Variants in KIAA1549L observed in about 807,000 individuals in gnomAD.
KIAA1549L encodes KIAA1549 like, also known as UPF0606 protein KIAA1549L.
In KIAA1549L, 88 loss-of-function variants were observed where a neutral mutation model predicts 160.7. The ratio of observed to expected loss-of-function variants is 0.55; its 90% CI spans 0.46 to 0.65. The LOEUF is 0.65. KIAA1549L is among the 30% of genes least tolerant of loss of function. KIAA1549L has a pLI of 0.00. For missense variants in KIAA1549L, 2,258 were observed against 2,437.5 expected (o/e 0.93, Z 1.55); for synonymous variants, 950 against 976.7 (o/e 0.97, Z 0.51).
intron 16 of KIAA1549L, among the ~76,000 whole-genome samples, chr11:33,625,874 A>G (rs1479600738): frequency 6.6e-6 from 1 of 151,950 alleles, no homozygotes; most frequent in Admixed American, 6.6e-5. Context: ...GTTTTCTTCT[A>G]GGGTTTTTAT....
intron 9 of KIAA1549L, among the ~76,000 whole-genome samples, chr11:33,570,946 G>A (rs1855232505): frequency 6.6e-6 from 1 of 152,048 alleles, no homozygotes. Context: ...TTTTTCTGGA[G>A]GAATTTAGAC....
At chr11:33,565,015 G>A (rs899129620) in intron 8 of KIAA1549L, among the ~76,000 whole-genome samples, 4 of 152,166 alleles carry the variant, frequency 2.6e-5, no homozygotes, top group Non-Finnish European at 5.9e-5. Flanking sequence ...AGCTGGGGAC[G>A]TGCCCAGCTC....
intron 15 of KIAA1549L, among the ~76,000 whole-genome samples, chr11:33,614,547 TA>T (rs1850735074): frequency 6.0e-4 from 7 of 11,748 alleles, no homozygotes; most frequent in African/African-American, 1.5e-3. Flanking sequence ...TATATATATA[TA>T]TATATATATA....
At chr11:33,614,580 A>T (rs1490841199) in intron 15 of KIAA1549L, among the ~76,000 whole-genome samples, 274 of 7,688 alleles carry the variant, frequency 0.036, 37 homozygotes, top group African/African-American at 0.12. Flanking sequence ...ATATATATAT[A>T]TATATTTTTT....
At chr11:33,438,554 C>G (rs1415868134) in intron 1 of KIAA1549L, among the ~76,000 whole-genome samples, 1 of 152,234 alleles carries the variant, frequency 6.6e-6, no homozygotes, top group African/African-American at 2.4e-5. Flanking sequence ...GTCATGCTGG[C>G]CAGCAATCCC....
At chr11:33,585,948 C>G (rs1849857847) in intron 11 of KIAA1549L, among the ~76,000 whole-genome samples, 1 of 152,202 alleles carries the variant, frequency 6.6e-6, no homozygotes, top group South Asian at 2.1e-4. Flanking sequence ...CTCCATGAGG[C>G]TGGGCTACAT....
intron 20 of KIAA1549L, chr11:33,665,436 A>G (rs1590467662): frequency 6.6e-6 from 1 of 152,140 alleles, no homozygotes; most frequent in South Asian, 2.1e-4. Flanking sequence ...CTCCGCAGCA[A>G]CTTGTTCAGA....
intron 1 of KIAA1549L, among the ~76,000 whole-genome samples, chr11:33,467,681 T>C (rs1487938111): frequency 6.6e-6 from 1 of 152,222 alleles, no homozygotes; most frequent in Non-Finnish European, 1.5e-5. Context: ...CAGTATATAG[T>C]AGATTCCATT....
intron 1 of KIAA1549L, among the ~76,000 whole-genome samples, chr11:33,533,380 A>G (rs1202636404): frequency 1.3e-5 from 2 of 152,336 alleles, no homozygotes; most frequent in Middle Eastern, 3.4e-3. Context: ...ACATTAGTCA[A>G]TAACAGGTTC....
At chr11:33,418,264 CAG>C in intron 1 of KIAA1549L, among the ~76,000 whole-genome samples, 4 of 152,314 alleles carry the variant, frequency 2.6e-5, no homozygotes, top group Admixed American at 2.6e-4. Context: ...AATAAATGAA[CAG>C]ACACCGCCTG....
intron 1 of KIAA1549L, among the ~76,000 whole-genome samples, chr11:33,503,332 T>A (rs1217709862): frequency 6.6e-6 from 1 of 152,242 alleles, no homozygotes; most frequent in African/African-American, 2.4e-5. Flanking sequence ...AATTCATTCC[T>A]CTGGCAATGA....
rs575769678 is a variant in KIAA1549L, at chr11:33,501,990, A to G, written c.239-39812A>G. On this transcript the variant is annotated intron_variant, in intron 1 of 20. Coordinates refer to ENST00000658780, the MANE Select transcript of KIAA1549L (RefSeq NM_012194.3). ...GTGGTGAGGGAGAGAGGAAGATGAT[A>G]TGGGAGGAAAGAATGAGGGAAGCAA... Among the ~76,000 whole-genome samples, 10 of 152,268 alleles carry G rather than the reference A, an allele frequency of 6.6e-5. No individual in the cohort carries two copies. In the East Asian group the frequency reaches 1.9e-3, roughly 29 times the overall value.
In KIAA1549L at chr11:33,668,260, T is replaced by TAAAGA. The variant is rs1852554012; in HGVS notation, c.*106_*107insAAAGA. Reference sequence around the variant, plus strand: ...TGAGACATAGCAATGGGTGAGTCTTTCTCACCCTCCATTTCTGAAAAGGTG... The same window carrying TAAAGA: ...TGAGACATAGCAATGGGTGAGTCTTTAAAGACTCACCCTCCATTTCTGAAAAGGTG... On this transcript the variant is annotated 3_prime_UTR_variant, in exon 21 of 21. Coordinates refer to ENST00000658780, the MANE Select transcript of KIAA1549L (RefSeq NM_012194.3). 3 of 1,011,002 alleles carry TAAAGA rather than the reference T, an allele frequency of 3.0e-6. No individual in the cohort carries two copies. The highest frequency in any genetic ancestry group is 2.5e-5 in the Admixed American group (1 of 39,362). 62.6% of individuals were successfully genotyped at this position (1,011,002 alleles called of 1,614,324 possible).
chr11:33,659,209 A>G (rs758963915), intron 19 of KIAA1549L, among the ~76,000 whole-genome samples: 1 of 152,052 alleles, frequency 6.6e-6, no homozygotes, highest in African/African-American at 2.4e-5. Context: ...ATCCACCCCC[A>G]TTTCATTCCC....
intron 16 of KIAA1549L, among the ~76,000 whole-genome samples, chr11:33,625,356 C>G (rs1418890752): frequency 6.6e-6 from 1 of 152,136 alleles, no homozygotes; most frequent in African/African-American, 2.4e-5. Flanking sequence ...AATGGTTGAA[C>G]TAGTTTACAG....
chr11:33,648,286 A>G (rs971673729), intron 17 of KIAA1549L, among the ~76,000 whole-genome samples: 2 of 152,036 alleles, frequency 1.3e-5, no homozygotes, highest in African/African-American at 4.8e-5. Context: ...GTGAGCCATC[A>G]TGGCTGGCCG....
At chr11:33,408,118 A>G (rs147716601) in intron 1 of KIAA1549L, among the ~76,000 whole-genome samples, 19 of 152,306 alleles carry the variant, frequency 1.2e-4, no homozygotes, top group African/African-American at 4.3e-4. Flanking sequence ...ACCTCAATCA[A>G]TTCTACTCTT....
intron 16 of KIAA1549L, among the ~76,000 whole-genome samples, chr11:33,623,321 C>T (rs1851010460): frequency 1.3e-5 from 2 of 152,102 alleles, no homozygotes; most frequent in South Asian, 4.1e-4. Context: ...CTTGTTGCCC[C>T]CCTGACCTCG....
chr11:33,471,796 C>G (rs1262971149), intron 1 of KIAA1549L, among the ~76,000 whole-genome samples: 1 of 152,242 alleles, frequency 6.6e-6, no homozygotes, highest in African/African-American at 2.4e-5. Flanking sequence ...CTGGCATGGA[C>G]TCTGCAGGCA....
Sources: gnomAD v4.1 joint callset for allele counts (sites outside exome capture counted in the v4.1 genomes callset) on GRCh38, gnomAD v4.1.1 for gene constraint, MANE v1.5 for transcripts, NCBI Gene and HGNC (gene_info 2026-07-23, HGNC 2026-07-21) for gene names.